PDE1A: variants seen among roughly 807,000 people sequenced by gnomAD.
PDE1A encodes the protein phosphodiesterase 1A, also known as dual specificity calcium/calmodulin-dependent 3',5'-cyclic nucleotide phosphodiesterase 1A.
Under a neutral mutation model 61.7 loss-of-function variants are expected in PDE1A, and 35 were observed. That is an observed-to-expected ratio of 0.57 (90% CI 0.43 to 0.75). The LOEUF is 0.75. Ranked by LOEUF, PDE1A falls within the 30% of genes least tolerant of loss-of-function variation. The probability of loss-of-function intolerance (pLI) is 0.00; values close to 1 mark genes in which losing one functional copy is unlikely to be tolerated. For synonymous variants in PDE1A, 232 were observed against 213.2 expected, an observed-to-expected ratio of 1.09 and a Z score of -0.77; for missense variants, 597 against 630.6, an observed-to-expected ratio of 0.95 and a Z score of 0.57.
chr2:182,245,887 G>A (rs534805507), intron 2 of PDE1A, among the ~76,000 whole-genome samples: 1 of 152,014 alleles, frequency 6.6e-6, no homozygotes, highest in Non-Finnish European at 1.5e-5. Flanking sequence ...GTTTAGTTTT[G>A]CAAAAACTGC....
chr2:182,469,743 G>A (rs1686906144), intron 2 of PDE1A, among the ~76,000 whole-genome samples: 1 of 151,874 alleles, frequency 6.6e-6, no homozygotes, highest in Non-Finnish European at 1.5e-5. Flanking sequence ...GATTTAAAGT[G>A]AGAAACATGC....
At chr2:182,578,028 T>C in the PDE1A span, among the ~76,000 whole-genome samples, 1 of 151,586 alleles carries the variant, frequency 6.6e-6, no homozygotes, top group Non-Finnish European at 1.5e-5. Flanking sequence ...CAAGGAAGAA[T>C]TAGTTAAAAT....
the PDE1A span, among the ~76,000 whole-genome samples, chr2:182,542,666 C>A: frequency 6.6e-6 from 1 of 152,048 alleles, no homozygotes; most frequent in Non-Finnish European, 1.5e-5. Flanking sequence ...GAATAGAAAT[C>A]TCTTGGTTCC....
the PDE1A span, among the ~76,000 whole-genome samples, chr2:182,680,053 A>G: frequency 6.6e-6 from 1 of 152,192 alleles, no homozygotes; most frequent in Admixed American, 6.5e-5. Flanking sequence ...ACATAGAAAC[A>G]TAATAAAACA....
chr2:182,307,216 T>A (rs1695647140), intron 1 of PDE1A, among the ~76,000 whole-genome samples: 1 of 152,154 alleles, frequency 6.6e-6, no homozygotes, highest in South Asian at 2.1e-4. Flanking sequence ...ATTACTGCTA[T>A]GGTTTGAATG....
At chr2:182,215,487 T>C (rs1427796279) in intron 7 of PDE1A, among the ~76,000 whole-genome samples, 1 of 151,104 alleles carries the variant, frequency 6.6e-6, no homozygotes, top group Non-Finnish European at 1.5e-5. Context: ...GCTGGTTTTT[T>C]GAAAGGATCA....
intron 2 of PDE1A, among the ~76,000 whole-genome samples, chr2:182,247,225 G>T (rs560298402): frequency 3.3e-5 from 5 of 151,850 alleles, no homozygotes; most frequent in Admixed American, 2.6e-4. Context: ...AAACATTTTT[G>T]ATAGCATTTT....
chr2:182,243,258 T>C (rs1690694643), intron 2 of PDE1A, among the ~76,000 whole-genome samples: 1 of 152,130 alleles, frequency 6.6e-6, no homozygotes, highest in Admixed American at 6.5e-5. Context: ...AGAACTTATA[T>C]TTTAAAAGAA....
chr2:182,413,759 C>G (rs143711793), intron 1 of PDE1A, among the ~76,000 whole-genome samples: 2 of 152,016 alleles, frequency 1.3e-5, no homozygotes, highest in African/African-American at 4.8e-5. Context: ...TTAACATAAA[C>G]GTTATAAAGT....
Position 182,271,185 on chromosome 2 carries a change from C to CAA in PDE1A, c.54-6773_54-6772dup, listed in dbSNP as rs11399196. Among the ~76,000 whole-genome samples, 106 of 111,686 alleles carry CAA rather than the reference C, an allele frequency of 9.5e-4. 1 individual carries two copies. Among genetic ancestry groups the CAA allele is most frequent in the Admixed American group, 3.3e-3 (39 of 11,732 alleles). 73.3% of individuals were successfully genotyped at this position (111,686 alleles called of 152,430 possible). A position where few individuals can be genotyped will look rare whatever the true frequency, so the allele number is the denominator to read the frequency against. The stretch of plus-strand genomic sequence containing the variant: ...GTAGACTTTTAGGTACCTTTACCAC[C>CAA]AAAAAAAAAAAAAAAAGCTACCTAT... On this transcript the variant is annotated intron_variant, in intron 1 of 13. Coordinates refer to ENST00000351439, the Ensembl canonical transcript of PDE1A.
intron 13 of PDE1A, among the ~76,000 whole-genome samples, chr2:182,150,432 G>A (rs1478889932): frequency 6.6e-6 from 1 of 152,098 alleles, no homozygotes; most frequent in African/African-American, 2.4e-5. Flanking sequence ...CGTCACTTTT[G>A]AATTTCATCT....
intron 2 of PDE1A, among the ~76,000 whole-genome samples, chr2:182,465,699 T>C (rs1302890399): frequency 2.0e-5 from 3 of 152,100 alleles, no homozygotes; most frequent in African/African-American, 4.8e-5. Flanking sequence ...TGACTTCACG[T>C]CTGCTGAATT....
At chr2:182,469,714 TTCA>T (rs1314920001) in intron 2 of PDE1A, among the ~76,000 whole-genome samples, 1 of 151,958 alleles carries the variant, frequency 6.6e-6, no homozygotes, top group Non-Finnish European at 1.5e-5. Flanking sequence ...TTCACTAAAC[TTCA>T]TCATTTCTAG....
At chr2:182,632,668 T>C in the PDE1A span, among the ~76,000 whole-genome samples, 1 of 152,330 alleles carries the variant, frequency 6.6e-6, no homozygotes, top group East Asian at 1.9e-4. Flanking sequence ...AGATAATTTT[T>C]AAGCATCTCT....
intron 1 of PDE1A, among the ~76,000 whole-genome samples, chr2:182,283,763 G>C (rs1336480811): frequency 6.6e-6 from 1 of 152,008 alleles, no homozygotes; most frequent in Non-Finnish European, 1.5e-5. Flanking sequence ...GACACATTTC[G>C]ACAAAGTTGT....
chr2:182,681,109 G>T, the PDE1A span, among the ~76,000 whole-genome samples: 177 of 151,358 alleles, frequency 1.2e-3, 1 homozygote, highest in African/African-American at 3.9e-3. Flanking sequence ...CTTCAATCTG[G>T]TCTGGAGTCA....
intron 1 of PDE1A, among the ~76,000 whole-genome samples, chr2:182,290,295 T>G (rs902250068): frequency 3.9e-5 from 6 of 152,072 alleles, no homozygotes; most frequent in Non-Finnish European, 8.8e-5. Context: ...TGTATGCATC[T>G]TCTGGGTAAG....
At chr2:182,145,156 A>G (rs1386193656), downstream of PDE1A, among the ~76,000 whole-genome samples, 1 of 152,228 alleles carries the variant, frequency 6.6e-6, no homozygotes, top group Non-Finnish European at 1.5e-5. Flanking sequence ...TAAACTTTGC[A>G]CCAATTAACT....
chr2:182,482,307 A>T (rs1438296361), intron 2 of PDE1A, among the ~76,000 whole-genome samples: 1 of 151,982 alleles, frequency 6.6e-6, no homozygotes, highest in East Asian at 1.9e-4. Context: ...AGTATTGAGA[A>T]AAATTTATAG....
Sources: gnomAD v4.1 joint callset for allele counts (sites outside exome capture counted in the v4.1 genomes callset) on GRCh38, gnomAD v4.1.1 for gene constraint, MANE v1.5 for transcripts, NCBI Gene and HGNC (gene_info 2026-07-23, HGNC 2026-07-21) for gene names.